Variants in TRIO observed in about 807,000 individuals in gnomAD.
TRIO encodes trio Rho guanine nucleotide exchange factor.
A neutral mutation model predicts 351.9 loss-of-function variants in TRIO; 58 were observed. That is an observed-to-expected ratio of 0.16 (90% CI 0.13 to 0.21). The LOEUF (loss-of-function observed/expected upper bound fraction) is 0.21, where lower values mean the gene tolerates loss of function less well. TRIO is among the 10% of genes least tolerant of loss of function. The pLI, the probability that TRIO is intolerant of heterozygous loss-of-function variation, is 1.00. For synonymous variants in TRIO, 1,758 were observed against 1,595.7 expected (o/e 1.10, Z -2.42); for missense variants, 3,201 against 4,027.8 (o/e 0.79, Z 5.56).
chr5:14,316,385 GTGTGTAA>G, intron 8 of TRIO, 121 bp from the exon 9 acceptor site: 1 of 861,074 alleles, frequency 1.2e-6, no homozygotes, highest in Non-Finnish European at 1.8e-6. Context: ...GTCTGGGCAT[GTGTGTAA>G]TGTGTGTACA....
intron 1 of TRIO, among the ~76,000 whole-genome samples, chr5:14,266,657 A>G (rs16903344): frequency 0.058 from 8,854 of 152,238 alleles, 853 homozygotes; most frequent in African/African-American, 0.2. Flanking sequence ...TAAAATCTCT[A>G]AACATTCCAA....
intron 46 of TRIO, among the ~76,000 whole-genome samples, chr5:14,483,155 A>G (rs1755659614): frequency 6.6e-6 from 1 of 152,204 alleles, no homozygotes; most frequent in Non-Finnish European, 1.5e-5. Flanking sequence ...CCACTCACCA[A>G]GGAGGTACTG....
intron 34 of TRIO, among the ~76,000 whole-genome samples, chr5:14,423,924 A>ATTTTTTTTTTTTTTTTTTTTTT (rs577094390): frequency 8.5e-6 from 1 of 118,184 alleles, no homozygotes. Flanking sequence ...ACCCCATGGA[A>ATTTTTTTTTTTTTTTTTTTTTT]TTTTTTTTTT....
At chr5:14,419,552 C>G (rs1044845500) in intron 33 of TRIO, among the ~76,000 whole-genome samples, 1 of 152,088 alleles carries the variant, frequency 6.6e-6, no homozygotes, top group Non-Finnish European at 1.5e-5. Flanking sequence ...ATATATAATA[C>G]CACTTTGTGA....
chr5:14,390,765 C>G (rs1747010667), intron 26 of TRIO, 136 bp from the exon 27 acceptor site: 4 of 699,338 alleles, frequency 5.7e-6, no homozygotes. Context: ...ATTTCAGTAG[C>G]TTTCTTTTTA....
Position 14,403,214 on chromosome 5 carries a change from C to CAGGTTGTGGTGAGGGTGT in TRIO, c.4716+2167_4716+2184dup, listed in dbSNP as rs1561447246. ...GAGGGTGCAGGTTGTGGTGAGGGTG[C>CAGGTTGTGGTGAGGGTGT]AGGTTGTGGTGAGGGTGTAGGTTGT... is the stretch of plus-strand genomic sequence containing the variant. On this transcript the variant is annotated intron_variant, in intron 31 of 56. Coordinates refer to ENST00000344204, the MANE Select transcript of TRIO (RefSeq NM_007118.4). Among the ~76,000 whole-genome samples the CAGGTTGTGGTGAGGGTGT allele has an allele frequency of 5.8e-3, 253 of 43,986 alleles. 2 individuals are homozygous for CAGGTTGTGGTGAGGGTGT. The highest frequency in any genetic ancestry group is 9.4e-3 in the African/African-American group (67 of 7,112). 28.9% of individuals were successfully genotyped at this position (43,986 alleles called of 152,430 possible).
intron 1 of TRIO, among the ~76,000 whole-genome samples, chr5:14,185,502 C>G (rs1034723205): frequency 1.3e-5 from 2 of 152,196 alleles, no homozygotes; most frequent in Non-Finnish European, 2.9e-5. Flanking sequence ...CACACACGCA[C>G]TGGAGCTGGC....
chr5:14,269,994 A>G (rs893670174), intron 1 of TRIO, among the ~76,000 whole-genome samples: 2 of 152,186 alleles, frequency 1.3e-5, no homozygotes, highest in Non-Finnish European at 2.9e-5. Context: ...ATATCCAGTT[A>G]TTATGATGAG....
intron 11 of TRIO, among the ~76,000 whole-genome samples, chr5:14,347,619 G>A (rs1003468500): frequency 2.0e-5 from 3 of 152,236 alleles, no homozygotes; most frequent in Non-Finnish European, 4.4e-5. Flanking sequence ...CCAGCGTATA[G>A]CAAGGACAGG....
intron 19 of TRIO, among the ~76,000 whole-genome samples, chr5:14,374,948 C>T (rs1226884614): frequency 1.3e-5 from 2 of 152,038 alleles, no homozygotes; most frequent in Non-Finnish European, 2.9e-5. Context: ...AACTAAGGCA[C>T]AAAGCAAGTA....
chr5:14,243,110 C>T (rs1425228917), intron 1 of TRIO, among the ~76,000 whole-genome samples: 1 of 152,128 alleles, frequency 6.6e-6, no homozygotes, highest in Non-Finnish European at 1.5e-5. Context: ...GGAGCTCAGT[C>T]TTGTGTTGAA....
chr5:14,179,054 G>A lies in TRIO; in HGVS notation c.157+35172G>A, dbSNP rs1174026212. ...TACTCCCCCCACCCCCGCAGAAGCC[G>A]GGACTGGAGGGTGGTGAGAAAGCCT... On this transcript the variant is annotated intron_variant, in intron 1 of 56. Transcript: ENST00000344204. 1.1e-4 allele frequency among the ~76,000 whole-genome samples: 17 copies of A among 152,300 alleles called. No homozygotes were observed. In the East Asian group the frequency reaches 3.3e-3, roughly 29 times the overall value.
chr5:14,315,138 G>A (rs969045301), intron 8 of TRIO, among the ~76,000 whole-genome samples: 4 of 152,072 alleles, frequency 2.6e-5, no homozygotes, highest in Non-Finnish European at 2.9e-5. Context: ...TGGTTTAAAG[G>A]CTCTCAGTGT....
chr5:14,468,550 C>G (rs908569131), intron 37 of TRIO, among the ~76,000 whole-genome samples: 7 of 152,230 alleles, frequency 4.6e-5, no homozygotes, highest in African/African-American at 1.7e-4. Flanking sequence ...TTTTCTGGTT[C>G]AAGAGAAGCA....
chr5:14,505,882 G>A (rs936746780), intron 55 of TRIO, among the ~76,000 whole-genome samples: 1 of 152,208 alleles, frequency 6.6e-6, no homozygotes, highest in African/African-American at 2.4e-5. Flanking sequence ...GGGGCGCAGT[G>A]AGGCTGAGCA....
At chr5:14,188,558 A>G (rs55871001) in intron 1 of TRIO, among the ~76,000 whole-genome samples, 4,271 of 152,344 alleles carry the variant, frequency 0.028, 81 homozygotes, top group South Asian at 0.044. Flanking sequence ...AATGCCTTAT[A>G]CATACTAAAG....
intron 21 of TRIO, among the ~76,000 whole-genome samples, chr5:14,381,701 T>G (rs913405221): frequency 6.6e-6 from 1 of 152,248 alleles, no homozygotes; most frequent in Admixed American, 6.5e-5. Flanking sequence ...TTGCTCACGC[T>G]CAGTTTAGTC....
intron 1 of TRIO, among the ~76,000 whole-genome samples, chr5:14,244,001 G>C (rs1189885621): frequency 6.6e-6 from 1 of 152,242 alleles, no homozygotes; most frequent in African/African-American, 2.4e-5. Flanking sequence ...GCCAGGACCT[G>C]CTTGGCTGTG....
chr5:14,435,973 C>G (rs531414742), intron 34 of TRIO, among the ~76,000 whole-genome samples: 41 of 152,192 alleles, frequency 2.7e-4, no homozygotes, highest in Admixed American at 2.6e-3. Flanking sequence ...ATGCTCATTG[C>G]TGTGTGTTGC....
Sources: allele counts gnomAD v4.1 joint callset (sites outside exome capture counted in the v4.1 genomes callset), GRCh38; gene constraint gnomAD v4.1.1; transcripts MANE v1.5; gene names NCBI Gene and HGNC (gene_info 2026-07-23, HGNC 2026-07-21).